Variants in PTPRD observed in about 807,000 individuals in gnomAD.
PTPRD encodes the protein receptor-type tyrosine-protein phosphatase delta.
PTPRD carries 34 observed loss-of-function variants against 214.5 expected under a neutral mutation model. The ratio of observed to expected loss-of-function variants is 0.16; its 90% CI spans 0.12 to 0.21. The LOEUF (loss-of-function observed/expected upper bound fraction) is 0.21, where lower values mean the gene tolerates loss of function less well. Among genes scored for constraint, PTPRD ranks in the 10% least tolerant of loss-of-function variants. The probability of loss-of-function intolerance (pLI) is 1.00; values close to 1 mark genes in which losing one functional copy is unlikely to be tolerated. For missense variants in PTPRD, 2,545 were observed against 2,398.7 expected (o/e 1.06, Z -1.27); for synonymous variants, 1,128 against 845.7 (o/e 1.33, Z -5.79).
At chr9:8,846,296 C>G (rs1456214217) in intron 11 of PTPRD, among the ~76,000 whole-genome samples, 1 of 152,084 alleles carries the variant, frequency 6.6e-6, no homozygotes, top group Admixed American at 6.5e-5. Flanking sequence ...GTTTTCTGGG[C>G]ACACTAATTT....
chr9:10,130,487 G>A (rs1225399097), intron 3 of PTPRD, among the ~76,000 whole-genome samples: 1 of 151,912 alleles, frequency 6.6e-6, no homozygotes, highest in Non-Finnish European at 1.5e-5. Flanking sequence ...ACTTAACTGT[G>A]GGTTTTTTGA....
At chr9:9,878,926 A>T (rs2067735059) in intron 5 of PTPRD, among the ~76,000 whole-genome samples, 1 of 152,184 alleles carries the variant, frequency 6.6e-6, no homozygotes, top group Admixed American at 6.6e-5. Context: ...TCTGGACTTT[A>T]TTATAGGCTC....
chr9:8,474,863 G>C, intron 30 of PTPRD, among the ~76,000 whole-genome samples: 1 of 152,146 alleles, frequency 6.6e-6, no homozygotes, highest in East Asian at 1.9e-4. Flanking sequence ...CCCTACTTTT[G>C]AAGGCCATTA....
chr9:10,042,783 A>C (rs2097321005), intron 3 of PTPRD, among the ~76,000 whole-genome samples: 1 of 151,954 alleles, frequency 6.6e-6, no homozygotes, highest in Admixed American at 6.6e-5. Flanking sequence ...GACCTCATTC[A>C]AATAAATCTA....
At chr9:8,985,603 C>G (rs2099338780) in intron 11 of PTPRD, among the ~76,000 whole-genome samples, 2 of 151,390 alleles carry the variant, frequency 1.3e-5, no homozygotes, top group South Asian at 4.2e-4. Context: ...CTCAGTGGTT[C>G]CTTCCTTGGA....
intron 8 of PTPRD, among the ~76,000 whole-genome samples, chr9:9,540,705 T>C (rs1381394841): frequency 6.6e-6 from 1 of 151,974 alleles, no homozygotes; most frequent in Middle Eastern, 3.4e-3. Flanking sequence ...ATTTGTCGAT[T>C]TGGTGACAGG....
At chr9:8,800,871 G>C (rs1050362161) in intron 11 of PTPRD, among the ~76,000 whole-genome samples, 1 of 152,054 alleles carries the variant, frequency 6.6e-6, no homozygotes, top group African/African-American at 2.4e-5. Flanking sequence ...ATGGCCAAAA[G>C]ACATTTCTCA....
chr9:10,515,219 C>T (rs10756047), intron 2 of PTPRD, among the ~76,000 whole-genome samples: 49,453 of 151,660 alleles, frequency 0.33, 8,339 homozygotes, highest in Non-Finnish European at 0.38. Flanking sequence ...ATTCTTGCTG[C>T]TAATGGTAAT....
chr9:9,567,278 G>A (rs921616332), intron 8 of PTPRD, among the ~76,000 whole-genome samples: 1 of 151,778 alleles, frequency 6.6e-6, no homozygotes, highest in Non-Finnish European at 1.5e-5. Context: ...CTAGGGGTGG[G>A]ATTGTTGTGT....
At chr9:9,532,950 C>G (rs1004139415) in intron 8 of PTPRD, among the ~76,000 whole-genome samples, 3 of 152,134 alleles carry the variant, frequency 2.0e-5, no homozygotes, top group African/African-American at 7.2e-5. Flanking sequence ...TTCATTCCTT[C>G]AGTTGTTTAA....
At chr9:8,320,018 C>G (rs750793853) in intron 44 of PTPRD, 52 bp from the exon 45 acceptor site, 3 of 1,592,434 alleles carry the variant, frequency 1.9e-6, no homozygotes, top group South Asian at 2.3e-5. Flanking sequence ...ACAGTCTTGG[C>G]CACATTTGCT....
At chr9:10,185,553 T>C (rs937833637) in intron 3 of PTPRD, among the ~76,000 whole-genome samples, 34 of 152,194 alleles carry the variant, frequency 2.2e-4, no homozygotes, top group African/African-American at 7.7e-4. Context: ...ATCTGCGTTT[T>C]ACAAACACCC....
At chr9:8,780,723 G>A (rs2095661072) in intron 11 of PTPRD, among the ~76,000 whole-genome samples, 1 of 152,098 alleles carries the variant, frequency 6.6e-6, no homozygotes. Flanking sequence ...GACCTTCAAG[G>A]CCAAGAAATA....
intron 10 of PTPRD, among the ~76,000 whole-genome samples, chr9:9,052,198 A>C (rs1403563146): frequency 6.6e-6 from 1 of 152,104 alleles, no homozygotes; most frequent in Non-Finnish European, 1.5e-5. Context: ...ACTAGGGTCT[A>C]TTTTATTAGG....
intron 39 of PTPRD, among the ~76,000 whole-genome samples, chr9:8,352,083 AT>A (rs5896240): frequency 3.4e-5 from 5 of 147,350 alleles, no homozygotes; most frequent in African/African-American, 7.5e-5. Flanking sequence ...GCCTAATCTG[AT>A]TTTTTTTTTT....
chr9:9,489,437 C>T (rs2154207553), intron 8 of PTPRD, among the ~76,000 whole-genome samples: 1 of 152,142 alleles, frequency 6.6e-6, no homozygotes, highest in East Asian at 1.9e-4. Flanking sequence ...CCTGACAAAG[C>T]TTGATGACAC....
chr9:10,267,112 A>T (rs2094119602), intron 3 of PTPRD, among the ~76,000 whole-genome samples: 1 of 150,230 alleles, frequency 6.7e-6, no homozygotes, highest in South Asian at 2.1e-4. Flanking sequence ...AGTCGCCTGA[A>T]CTCGGGGGGC....
Position 9,764,043 on chromosome 9 carries a change from C to A in PTPRD, c.-326+2767G>T, listed in dbSNP as rs1197100394. 2.6e-5 allele frequency among the ~76,000 whole-genome samples: 4 copies of A among 152,048 alleles called. No individual in the cohort carries two copies. The South Asian group carries it at 6.2e-4, about 24-fold the overall frequency. The stretch of plus-strand genomic sequence containing the variant: ...GACCCCCATTCCTTGAGCACCTCTC[C>A]ATTGTAGCATATTGTGTTAAAATTA... On this transcript the variant is annotated intron_variant, in intron 6 of 45. Transcript: ENST00000381196.
At chr9:8,631,246 C>A (rs886560694) in intron 14 of PTPRD, among the ~76,000 whole-genome samples, 1 of 151,868 alleles carries the variant, frequency 6.6e-6, no homozygotes, top group East Asian at 1.9e-4. Context: ...AACTCCTATT[C>A]TTTTTTTTCC....
Sources: gnomAD v4.1 joint callset for allele counts (sites outside exome capture counted in the v4.1 genomes callset) on GRCh38, gnomAD v4.1.1 for gene constraint, MANE v1.5 for transcripts, NCBI Gene and HGNC (gene_info 2026-07-23, HGNC 2026-07-21) for gene names.